Variants in CPEB3 observed in about 807,000 individuals in gnomAD.
The protein encoded by CPEB3 is cytoplasmic polyadenylation element-binding protein 3.
A neutral mutation model predicts 67.2 loss-of-function variants in CPEB3; 20 were observed. The ratio of observed to expected loss-of-function variants is 0.30; its 90% CI spans 0.21 to 0.43. The LOEUF (loss-of-function observed/expected upper bound fraction) is 0.43. Among genes scored for constraint, CPEB3 ranks in the 20% least tolerant of loss-of-function variants. The pLI, the probability that CPEB3 is intolerant of heterozygous loss-of-function variation, is 1.00. For missense variants in CPEB3, 746 were observed against 968.6 expected, an observed-to-expected ratio of 0.77 and a Z score of 3.05; for synonymous variants, 376 against 393.1, an observed-to-expected ratio of 0.96 and a Z score of 0.51.
At chr10:92,243,128 A>C (rs1851919441) in intron 1 of CPEB3, 1 of 152,118 alleles carries the variant, frequency 6.6e-6, no homozygotes, top group South Asian at 2.1e-4. Context: ...TTTTACATGC[A>C]ATAACCCAAT....
At chr10:92,291,201 T>G (rs897099535), upstream of CPEB3, 3 of 510,336 alleles carry the variant, frequency 5.9e-6, no homozygotes, top group Admixed American at 4.1e-5. Flanking sequence ...CGGCAGCAAC[T>G]CGGCGCCCGC....
intron 6 of CPEB3, 139 bp downstream of exon 6, chr10:92,142,889 AG>A: frequency 1.8e-6 from 1 of 545,814 alleles, no homozygotes; most frequent in South Asian, 2.5e-5. Flanking sequence ...AATACACAAA[AG>A]GATGATCAAC....
chr10:92,075,516 C>T (rs1360932846), intron 9 of CPEB3, among the ~76,000 whole-genome samples: 26 of 152,140 alleles, frequency 1.7e-4, no homozygotes, highest in Admixed American at 1.6e-3. Flanking sequence ...TAATTGTACA[C>T]TTTAACTGGG....
chr10:92,175,185 T>C (rs1235359977), intron 4 of CPEB3, among the ~76,000 whole-genome samples: 3 of 151,602 alleles, frequency 2.0e-5, no homozygotes, highest in East Asian at 3.9e-4. Flanking sequence ...TTGTGGTATT[T>C]TGTCACAATA....
chr10:92,157,023 A>G (rs1847239481), intron 4 of CPEB3, among the ~76,000 whole-genome samples: 1 of 152,224 alleles, frequency 6.6e-6, no homozygotes, highest in Non-Finnish European at 1.5e-5. Context: ...AGCCTGATGA[A>G]TGGTAAACAT....
At chr10:92,097,676 T>G (rs949995943) in intron 7 of CPEB3, among the ~76,000 whole-genome samples, 10 of 152,178 alleles carry the variant, frequency 6.6e-5, no homozygotes, top group Admixed American at 1.3e-4. Flanking sequence ...ACATTAATAA[T>G]ATCAACAGTT....
intron 7 of CPEB3, among the ~76,000 whole-genome samples, chr10:92,092,210 T>C (rs1174460949): frequency 6.6e-6 from 1 of 152,218 alleles, no homozygotes; most frequent in Non-Finnish European, 1.5e-5. Context: ...GTGGTTTTTT[T>C]ATTTTAAGGC....
chr10:92,244,849 G>C (rs971475274), intron 1 of CPEB3, among the ~76,000 whole-genome samples: 13 of 152,168 alleles, frequency 8.5e-5, no homozygotes, highest in Non-Finnish European at 4.4e-5. Context: ...TATAGCTTCT[G>C]AAAGCAATAG....
intron 9 of CPEB3, among the ~76,000 whole-genome samples, chr10:92,068,067 G>A (rs922986202): frequency 6.6e-6 from 1 of 152,124 alleles, no homozygotes; most frequent in African/African-American, 2.4e-5. Flanking sequence ...AATTACCTTT[G>A]TGCCCTTCCC....
intron 5 of CPEB3, 117 bp downstream of exon 5, chr10:92,144,828 C>G: frequency 3.7e-6 from 3 of 821,740 alleles, no homozygotes; most frequent in Non-Finnish European, 3.9e-6. Flanking sequence ...CAAATAGTCT[C>G]ACCTCCTATG....
intron 6 of CPEB3, among the ~76,000 whole-genome samples, chr10:92,134,472 C>T (rs1380122898): frequency 1.3e-5 from 2 of 151,808 alleles, no homozygotes; most frequent in African/African-American, 4.8e-5. Flanking sequence ...TGAAGGACCT[C>T]TTCAAGGAGA....
intron 6 of CPEB3, among the ~76,000 whole-genome samples, chr10:92,139,966 A>G (rs1846317174): frequency 1.3e-5 from 2 of 151,856 alleles, no homozygotes; most frequent in South Asian, 4.2e-4. Context: ...CCAGCTACTC[A>G]GGAGGCTGAG....
At chr10:92,086,844 G>A (rs1390574928) in intron 8 of CPEB3, among the ~76,000 whole-genome samples, 1 of 152,170 alleles carries the variant, frequency 6.6e-6, no homozygotes, top group Non-Finnish European at 1.5e-5. Context: ...CTTTGGATGA[G>A]GGTTTGCTTT....
intron 1 of CPEB3, among the ~76,000 whole-genome samples, chr10:92,257,008 G>T (rs892732379): frequency 2.6e-5 from 4 of 152,172 alleles, no homozygotes; most frequent in Admixed American, 6.5e-5. Flanking sequence ...ATCCCAATTT[G>T]TTGAAATGTA....
chr10:92,150,136 C>T (rs185178828), intron 4 of CPEB3, among the ~76,000 whole-genome samples: 3 of 152,310 alleles, frequency 2.0e-5, no homozygotes. Flanking sequence ...CCAGCGCAGA[C>T]CGACAGGCGA....
At chr10:92,202,995 G>T (rs1351798418) in intron 2 of CPEB3, among the ~76,000 whole-genome samples, 1 of 149,640 alleles carries the variant, frequency 6.7e-6, no homozygotes, top group Non-Finnish European at 1.5e-5. Context: ...AGGCTGGAGT[G>T]CAGTGGCGCC....
At chr10:92,290,748 G>C (rs1244974982) in intron 1 of CPEB3, among the ~76,000 whole-genome samples, 178 bp downstream of exon 1, 1 of 152,140 alleles carries the variant, frequency 6.6e-6, no homozygotes, top group African/African-American at 2.4e-5. Flanking sequence ...TGGCTCCAGC[G>C]CCGGGGGCTT....
chr10:92,266,025 A>C (rs1853040705), intron 1 of CPEB3, among the ~76,000 whole-genome samples: 1 of 152,108 alleles, frequency 6.6e-6, no homozygotes, highest in Admixed American at 6.6e-5. Flanking sequence ...AAGAAGAGGA[A>C]GAGAAACCTG....
intron 2 of CPEB3, among the ~76,000 whole-genome samples, chr10:92,205,173 C>T (rs976719430): frequency 9.9e-5 from 15 of 152,178 alleles, no homozygotes; most frequent in African/African-American, 2.2e-4. Flanking sequence ...AACAGGCTTA[C>T]GCCCAAACTG....
Sources: gnomAD v4.1 joint callset for allele counts (sites outside exome capture counted in the v4.1 genomes callset) on GRCh38, gnomAD v4.1.1 for gene constraint, MANE v1.5 for transcripts, NCBI Gene and HGNC (gene_info 2026-07-23, HGNC 2026-07-21) for gene names.